Variants in FKBP7 observed in about 807,000 individuals in gnomAD.
The protein encoded by FKBP7 is FKBP prolyl isomerase 7.
A neutral mutation model predicts 24.3 loss-of-function variants in FKBP7; 24 were observed. The ratio of observed to expected loss-of-function variants is 0.99; its 90% CI spans 0.72 to 1.39. The LOEUF is 1.39. Ranked by LOEUF, FKBP7 falls within the 40% of genes most tolerant of loss-of-function variation. The pLI is 0.00. For synonymous variants in FKBP7, 98 were observed against 92.8 expected (o/e 1.06, Z -0.32); for missense variants, 257 against 269.5 (o/e 0.95, Z 0.33).
At chr2:178,466,461 T>G (rs1684661130) in intron 3 of FKBP7, among the ~76,000 whole-genome samples, 1 of 152,172 alleles carries the variant, frequency 6.6e-6, no homozygotes, top group African/African-American at 2.4e-5. Context: ...TCCTGAAGTA[T>G]TCACTAATTA....
At position 178,478,453 on chromosome 2, in the gene FKBP7, TAAAAG is replaced by T. The variant is rs777511373; in HGVS notation, c.42_46del (p.Phe14LeufsTer33). 3 of 1,614,052 alleles carry T rather than the reference TAAAAG, an allele frequency of 1.9e-6. No individual in the cohort carries two copies. Among genetic ancestry groups the T allele is most frequent in the Non-Finnish European group, 2.5e-6 (3 of 1,180,032 alleles). On this transcript the variant is annotated frameshift_variant, in exon 1 of 4. Coordinates refer to ENST00000424785, the MANE Select transcript of FKBP7 (RefSeq NM_181342.3). LOFTEE classifies it high-confidence loss of function. ...CTGAGCAGTAAAAAGGCCCCACAGA[TAAAAG>T]AAAACAATGAATCTGAATAAGAAAT... is the stretch of plus-strand genomic sequence containing the variant.
At chr2:178,466,063 G>T in intron 3 of FKBP7, 132 bp from the exon 4 acceptor site, 2 of 709,038 alleles carry the variant, frequency 2.8e-6, no homozygotes, top group Non-Finnish European at 4.3e-6. Context: ...AGTATGAAAA[G>T]CTATTTGAGG....
intron 2 of FKBP7, 70 bp from the exon 3 acceptor site, chr2:178,469,855 A>AT: frequency 8.0e-7 from 1 of 1,254,554 alleles, no homozygotes; most frequent in Non-Finnish European, 1.1e-6. Flanking sequence ...ATGAACTGCC[A>AT]TAACCATATT....
chr2:178,470,476 CAG>C (rs1455859770), intron 2 of FKBP7, among the ~76,000 whole-genome samples: 1 of 152,124 alleles, frequency 6.6e-6, no homozygotes, highest in Non-Finnish European at 1.5e-5. Flanking sequence ...ATCATCAACA[CAG>C]AAGAGAGGTG....
Position 178,469,758 on chromosome 2 carries a change from G to A in FKBP7, c.401C>T (p.Thr134Ile), listed in dbSNP as rs377723147. Residue 134 changes from threonine (T) to isoleucine (I), a missense_variant, in exon 3 of 4, where the codon ACA becomes ATA. By Grantham distance (89) the Thr-to-Ile change is moderately conservative. Coordinates refer to ENST00000424785, the MANE Select transcript of FKBP7 (RefSeq NM_181342.3). ...YAEGKIPPDA[T>I]LIFEIELYAV... ...ATAAAGTTCAATCTCAAAAATCAATGTAGCATCCGGTGGAATCTTGCCTTC... is the reference window on the plus strand; with the variant it reads ...ATAAAGTTCAATCTCAAAAATCAATATAGCATCCGGTGGAATCTTGCCTTC... 5 of 1,613,596 alleles carry A rather than the reference G, an allele frequency of 3.1e-6. No homozygotes were observed. The highest frequency in any genetic ancestry group is 4.2e-6 in the Non-Finnish European group (5 of 1,179,882).
At position 178,476,132 on chromosome 2, in the gene FKBP7, G is replaced by C. The variant is rs566773844; in HGVS notation, c.373+930C>G. Among the ~76,000 whole-genome samples, 4 of 152,226 alleles carry C rather than the reference G, an allele frequency of 2.6e-5. No homozygotes were observed. The East Asian group carries it at 7.7e-4, about 29-fold the overall frequency. Reference sequence around the variant, plus strand: ...ACATATGCTGAAAACAAATAAAAATGCTTAAGGTAGAGCTTATAGAATATA... The same window carrying C: ...ACATATGCTGAAAACAAATAAAAATCCTTAAGGTAGAGCTTATAGAATATA... On this transcript the variant is annotated intron_variant, in intron 2 of 3. Transcript: ENST00000424785.
Position 178,465,655 on chromosome 2 carries a change from T to C in FKBP7, c.*115A>G. 9.8e-7 allele frequency: 1 copy of C among 1,020,340 alleles called. No individual in the cohort carries two copies. The allele number at this position is 1,020,340 out of a possible 1,614,324, so 63.2% of individuals were successfully genotyped here. On this transcript the variant is annotated 3_prime_UTR_variant, in exon 4 of 4. Coordinates refer to ENST00000424785, the MANE Select transcript of FKBP7 (RefSeq NM_181342.3). ...TACCAAAATCAATGTATTGGGGAGA[T>C]CAAAATATCTTCTCATAGGGGAAAA...
rs149462221 is a variant in FKBP7 at position 178,472,603 on chromosome 2, C to T, written c.374-2818G>A. On this transcript the variant is annotated intron_variant, in intron 2 of 3. Coordinates refer to ENST00000424785, the MANE Select transcript of FKBP7 (RefSeq NM_181342.3). ...AATTCTTATTTGGCTTATACCACTG[C>T]GCCTGGCCAGGAGGGCGAGATCAGC... Among the ~76,000 whole-genome samples, 151 of 151,798 alleles carry T rather than the reference C, an allele frequency of 9.9e-4. 2 individuals are homozygous for T. The Middle Eastern group carries it at 0.027, about 27-fold the overall frequency.
intron 3 of FKBP7, among the ~76,000 whole-genome samples, chr2:178,468,647 G>T (rs1684751818): frequency 6.6e-6 from 1 of 152,012 alleles, no homozygotes; most frequent in South Asian, 2.1e-4. Context: ...AAATTGAAAT[G>T]TAAGAACAGT....
At chr2:178,473,145 A>C in intron 2 of FKBP7, 1 of 1,238,862 alleles carries the variant, frequency 8.1e-7, no homozygotes, top group Non-Finnish European at 1.1e-6. Context: ...AGTACTACCT[A>C]AAATAAAGTT....
chr2:178,467,091 T>G (rs1328845706), intron 3 of FKBP7, among the ~76,000 whole-genome samples: 1 of 152,200 alleles, frequency 6.6e-6, no homozygotes, highest in Non-Finnish European at 1.5e-5. Context: ...GGGTAAACAA[T>G]TTTTAATACC....
At chr2:178,473,078 T>C (rs748704306) in intron 2 of FKBP7, 11 of 1,305,222 alleles carry the variant, frequency 8.4e-6, no homozygotes, top group Non-Finnish European at 1.1e-5. Flanking sequence ...TTTCAAGACA[T>C]GCAGGGTTGT....
intron 2 of FKBP7, among the ~76,000 whole-genome samples, chr2:178,475,679 T>A (rs988147346): frequency 1.3e-5 from 2 of 152,248 alleles, no homozygotes; most frequent in African/African-American, 2.4e-5. Context: ...AATTTCTCTT[T>A]ATGAATAAAA....
At chr2:178,476,763 C>T (rs1167778070) in intron 2 of FKBP7, among the ~76,000 whole-genome samples, 1 of 134,872 alleles carries the variant, frequency 7.4e-6, no homozygotes. Flanking sequence ...GTTGCTCAGG[C>T]TGGTCCTGGC....
At chr2:178,469,406 A>G (rs1240845639) in intron 3 of FKBP7, among the ~76,000 whole-genome samples, 1 of 152,190 alleles carries the variant, frequency 6.6e-6, no homozygotes, top group Admixed American at 6.5e-5. Flanking sequence ...GTAGAGACAA[A>G]TAATTCGGGA....
intron 1 of FKBP7, among the ~76,000 whole-genome samples, chr2:178,477,876 A>G (rs1001072054): frequency 1.3e-5 from 2 of 152,174 alleles, no homozygotes; most frequent in African/African-American, 4.8e-5. Flanking sequence ...GCCACAACCT[A>G]TAAAAATCGT....
At chr2:178,471,839 G>GT (rs1485089769) in intron 2 of FKBP7, among the ~76,000 whole-genome samples, 6 of 151,936 alleles carry the variant, frequency 3.9e-5, no homozygotes, top group Admixed American at 3.3e-4. Flanking sequence ...CAGATTAGTA[G>GT]TTTTCAAAGA....
intron 3 of FKBP7, chr2:178,467,867 A>C (rs923863782): frequency 1.3e-5 from 2 of 152,208 alleles, no homozygotes; most frequent in East Asian, 1.9e-4. Context: ...CTTGGGTACT[A>C]TGCGAATTCA....
In FKBP7 at chr2:178,464,510, A is replaced by G. The variant is rs1353982423; in HGVS notation, c.*1260T>C. ...TGGGAGAATGAATGCAAGAGGAACT[A>G]CCAAACACTTATAAAACCATCAGAT... On this transcript the variant is annotated 3_prime_UTR_variant, in exon 4 of 4. Coordinates refer to ENST00000424785, the MANE Select transcript of FKBP7 (RefSeq NM_181342.3). 2 of 152,238 alleles carry G rather than the reference A, an allele frequency of 1.3e-5. No individual in the cohort carries two copies. The highest frequency in any genetic ancestry group is 2.9e-5 in the Non-Finnish European group (2 of 68,054). The allele number at this position is 152,238 out of a possible 1,614,324, so 9.4% of individuals were successfully genotyped here. A position where few individuals can be genotyped will look rare whatever the true frequency, so the allele number is the denominator to read the frequency against.
Sources: gnomAD v4.1 joint callset for allele counts (sites outside exome capture counted in the v4.1 genomes callset) on GRCh38, gnomAD v4.1.1 for gene constraint, MANE v1.5 for transcripts, NCBI Gene and HGNC (gene_info 2026-07-23, HGNC 2026-07-21) for gene names.